The following CFAP54 variants were observed in gnomAD, a reference collection of about 807,000 sequenced individuals.
CFAP54 encodes the protein cilia and flagella associated protein 54, also known as cilia- and flagella-associated protein 54.
Under a neutral mutation model 370.4 loss-of-function variants are expected in CFAP54, and 290 were observed. The observed-to-expected ratio is 0.78, with a 90% CI of 0.71 to 0.86. The LOEUF (loss-of-function observed/expected upper bound fraction) is 0.86. CFAP54 is among the 40% of genes least tolerant of loss of function. CFAP54 has a pLI of 0.00. For missense variants in CFAP54, 3,399 were observed against 3,528.7 expected (o/e 0.96, Z 0.93); for synonymous variants, 1,206 against 1,236.5 (o/e 0.98, Z 0.52).
chr12:96,538,421 T>G lies in CFAP54; in HGVS notation c.1829T>G (p.Ile610Arg). 6.5e-7 allele frequency: 1 copy of G among 1,535,886 alleles called. No individual in the cohort carries two copies. Among genetic ancestry groups the G allele is most frequent in the Non-Finnish European group, 8.7e-7 (1 of 1,146,716 alleles). The change falls in exon 13 of 68, where the codon ATA becomes AGA. Residue 610 changes from isoleucine (I) to arginine (R), a missense_variant. Ile to Arg is a moderately conservative substitution (Grantham distance 97, BLOSUM62 -3). This residue lies in a region of CFAP54 where 2,796 missense variants were observed against 2,869.7 expected (regional missense o/e 0.97). Coordinates refer to ENST00000524981, the MANE Select transcript of CFAP54 (RefSeq NM_001306084.2). The part of the protein sequence containing the change: ...QPDKEIVVDT[I>R]MFLWQKCKLG... ...GATAAAGAAATTGTTGTGGACACGATAATGTTCCTATGGCAGAAATGCAAA... is the reference window on the plus strand; with the variant it reads ...GATAAAGAAATTGTTGTGGACACGAGAATGTTCCTATGGCAGAAATGCAAA...
intron 46 of CFAP54, among the ~76,000 whole-genome samples, chr12:96,701,436 CA>C (rs1212700706): frequency 6.6e-6 from 1 of 151,970 alleles, no homozygotes; most frequent in Non-Finnish European, 1.5e-5. Flanking sequence ...AGAAAGACAG[CA>C]GGGGGGCTCC....
In CFAP54 at chr12:96,574,170, C is replaced by G. The variant is rs547317110; in HGVS notation, c.2620-2415C>G. ...TCCTCACTCAGCTTTAAATATGACT[C>G]CAACGCGTACTCAGATCCTATCTCC... is the stretch of plus-strand genomic sequence containing the variant. On this transcript the variant is annotated intron_variant, in intron 19 of 67. Coordinates refer to ENST00000524981, the MANE Select transcript of CFAP54 (RefSeq NM_001306084.2). Among the ~76,000 whole-genome samples, 3 of 152,258 alleles carry G rather than the reference C, an allele frequency of 2.0e-5. No homozygotes were observed. The South Asian group carries it at 6.2e-4, about 32-fold the overall frequency.
intron 32 of CFAP54, among the ~76,000 whole-genome samples, chr12:96,638,884 G>A (rs886183410): frequency 1.3e-5 from 2 of 152,126 alleles, no homozygotes; most frequent in African/African-American, 4.8e-5. Flanking sequence ...ACGCTTTCAC[G>A]TTTTCAACAT....
intron 32 of CFAP54, among the ~76,000 whole-genome samples, chr12:96,643,475 T>C (rs1956756376): frequency 6.6e-6 from 1 of 152,126 alleles, no homozygotes; most frequent in African/African-American, 2.4e-5. Flanking sequence ...AGATTGGTGC[T>C]GACCAATAGG....
chr12:96,676,423 C>T (rs924871113), intron 39 of CFAP54, among the ~76,000 whole-genome samples: 1 of 152,144 alleles, frequency 6.6e-6, no homozygotes, highest in African/African-American at 2.4e-5. Flanking sequence ...TATTTGTGGT[C>T]CCCCCCACCT....
At chr12:96,501,028 A>C in intron 2 of CFAP54, 89 bp downstream of exon 2, 1 of 686,670 alleles carries the variant, frequency 1.5e-6, no homozygotes, top group African/African-American at 1.8e-5. Context: ...CCTATTTTAC[A>C]TGTTTTGATT....
At chr12:96,835,789 C>A (rs1304834046) in intron 66 of CFAP54, among the ~76,000 whole-genome samples, 1 of 152,170 alleles carries the variant, frequency 6.6e-6, no homozygotes, top group African/African-American at 2.4e-5. Context: ...GTTTGGGCAG[C>A]TGCAGCTATC....
At position 96,806,180 on chromosome 12, in the gene CFAP54, AT is replaced by A. The variant is rs1565984845; in HGVS notation, c.8851-5555del. Among the ~76,000 whole-genome samples, 191 of 70,144 alleles carry A rather than the reference AT, an allele frequency of 2.7e-3. 15 individuals carry two copies. The highest frequency in any genetic ancestry group is 6.0e-3 in the African/African-American group (103 of 17,092). The allele number at this position is 70,144 out of a possible 152,430, so 46.0% of individuals were successfully genotyped here. On this transcript the variant is annotated intron_variant, in intron 63 of 67. Transcript: ENST00000524981. ...GCCAAATATATATATATATATATAT[AT>A]ATATATATATATATATATATATATA... is the stretch of plus-strand genomic sequence containing the variant.
At chr12:96,788,039 C>T (rs145803317) in intron 62 of CFAP54, among the ~76,000 whole-genome samples, 2,597 of 151,502 alleles carry the variant, frequency 0.017, 44 homozygotes, top group Non-Finnish European at 0.027. Flanking sequence ...GTCTCAGCCT[C>T]CCGAAAAAGT....
At chr12:96,732,079 A>G (rs1307901651) in intron 50 of CFAP54, among the ~76,000 whole-genome samples, 1 of 151,828 alleles carries the variant, frequency 6.6e-6, no homozygotes, top group Admixed American at 6.6e-5. Context: ...AAAGAGATGA[A>G]CAATCTTCTG....
At chr12:96,636,510 C>T (rs922299428) in intron 32 of CFAP54, among the ~76,000 whole-genome samples, 6 of 152,116 alleles carry the variant, frequency 3.9e-5, no homozygotes, top group South Asian at 4.1e-4. Context: ...TGTCTTCTCT[C>T]GTATTTTTGT....
chr12:96,829,004 T>C lies in CFAP54; in HGVS notation c.9097-10T>C. ...TCAACCTCACTGTATTACTATCTTC[T>C]TATTTCTAGGACATGATTATTCAAT... On this transcript the variant is annotated splice_polypyrimidine_tract_variant and intron_variant, in intron 65 of 67. Coordinates refer to ENST00000524981, the MANE Select transcript of CFAP54 (RefSeq NM_001306084.2). 2 of 1,450,032 alleles carry C rather than the reference T, an allele frequency of 1.4e-6. No individual in the cohort carries two copies. Among genetic ancestry groups the C allele is most frequent in the Non-Finnish European group, 1.9e-6 (2 of 1,072,590 alleles). The allele number at this position is 1,450,032 out of a possible 1,614,324, so 89.8% of individuals were successfully genotyped here.
At chr12:96,637,564 T>C (rs921347145) in intron 32 of CFAP54, among the ~76,000 whole-genome samples, 6 of 152,218 alleles carry the variant, frequency 3.9e-5, no homozygotes, top group Non-Finnish European at 8.8e-5. Context: ...GGAGAATGAC[T>C]GTTGTTTTTA....
intron 1 of CFAP54, among the ~76,000 whole-genome samples, chr12:96,498,157 G>A (rs1176137024): frequency 6.6e-6 from 1 of 151,758 alleles, no homozygotes; most frequent in Admixed American, 6.6e-5. Context: ...AATCTAGGGG[G>A]TCTGGATCAA....
At chr12:96,751,856 T>C (rs10507080) in intron 55 of CFAP54, among the ~76,000 whole-genome samples, 75,678 of 151,802 alleles carry the variant, frequency 0.5, 19,109 homozygotes, top group South Asian at 0.55. Context: ...GTGGCATGCA[T>C]AACATATTTA....
At chr12:96,547,067 T>A (rs374534492) in intron 14 of CFAP54, among the ~76,000 whole-genome samples, 6 of 152,340 alleles carry the variant, frequency 3.9e-5, no homozygotes, top group East Asian at 3.9e-4. Context: ...TAAATTCTTA[T>A]AACTTCTAAG....
At chr12:96,684,616 A>T in intron 40 of CFAP54, 32 bp from the exon 41 acceptor site, 1 of 1,533,804 alleles carries the variant, frequency 6.5e-7, no homozygotes, top group Non-Finnish European at 8.9e-7. Flanking sequence ...CTAGGAACTG[A>T]CATTTGTTCT....
chr12:96,711,964 T>C (rs1370773118), intron 48 of CFAP54, among the ~76,000 whole-genome samples: 2 of 152,168 alleles, frequency 1.3e-5, no homozygotes, highest in South Asian at 4.1e-4. Context: ...AGCTTCTATA[T>C]ATCTAGGAAT....
chr12:96,545,552 A>G (rs1019464792), intron 14 of CFAP54, among the ~76,000 whole-genome samples: 3 of 152,204 alleles, frequency 2.0e-5, no homozygotes, highest in African/African-American at 7.2e-5. Flanking sequence ...CAGTCCGTTA[A>G]CCTGTTAATC....
Sources: gnomAD v4.1 joint callset for allele counts (sites outside exome capture counted in the v4.1 genomes callset) on GRCh38, gnomAD v4.1.1 for gene constraint, gnomAD v4.1.1 regional missense constraint, MANE v1.5 for transcripts, NCBI Gene and HGNC (gene_info 2026-07-23, HGNC 2026-07-21) for gene names.